The following ZPBP variants were observed in gnomAD, a reference collection of about 807,000 sequenced individuals.
ZPBP encodes zona pellucida-binding protein 1.
Under a neutral mutation model 44.8 loss-of-function variants are expected in ZPBP, and 26 were observed. That is an observed-to-expected ratio of 0.58 (90% confidence interval 0.43 to 0.81). The LOEUF (loss-of-function observed/expected upper bound fraction) is 0.81, where lower values mean the gene tolerates loss of function less well. Ranked by LOEUF, ZPBP falls within the 30% of genes least tolerant of loss-of-function variation. ZPBP has a pLI of 0.00. For missense variants in ZPBP, 409 were observed against 434.0 expected (o/e 0.94, Z 0.51); for synonymous variants, 174 against 153.2 (o/e 1.14, Z -1.00).
At chr7:50,044,069 G>A (rs1038465227) in intron 4 of ZPBP, among the ~76,000 whole-genome samples, 4 of 152,118 alleles carry the variant, frequency 2.6e-5, no homozygotes, top group Admixed American at 1.3e-4. Context: ...TGACTACTGG[G>A]TAAATGACAA....
intron 2 of ZPBP, among the ~76,000 whole-genome samples, chr7:49,890,880 A>G: frequency 6.6e-6 from 1 of 152,120 alleles, no homozygotes; most frequent in East Asian, 1.9e-4. Context: ...GATTTGTATC[A>G]GGCAATAGGA....
intron 4 of ZPBP, among the ~76,000 whole-genome samples, chr7:50,054,590 T>G (rs1800843461): frequency 6.6e-6 from 1 of 152,114 alleles, no homozygotes; most frequent in Non-Finnish European, 1.5e-5. Flanking sequence ...TCTAAAATTT[T>G]TAAAGGTTTT....
chr7:49,848,833 G>A (rs1583672269), downstream of ZPBP, among the ~76,000 whole-genome samples: 1 of 152,276 alleles, frequency 6.6e-6, no homozygotes, highest in South Asian at 2.1e-4. Flanking sequence ...TTATAGTATA[G>A]TCAATAAAAT....
rs1288656666 is a variant in ZPBP at position 49,892,464 on chromosome 7, A to G, written n.509+8654T>C. ...TATTGAGGAAAAGAAGTCCTGCTAT[A>G]CAGGGGTATATACATTATGATTATC... On this transcript the variant is annotated intron_variant and non_coding_transcript_variant, in intron 2 of 2. Coordinates refer to the ZPBP transcript ENST00000465922. Among the ~76,000 whole-genome samples, 3 of 152,228 alleles carry G rather than the reference A, an allele frequency of 2.0e-5. No individual in the cohort carries two copies. In the East Asian group the frequency reaches 5.8e-4, roughly 29 times the overall value.
intron 2 of ZPBP, among the ~76,000 whole-genome samples, chr7:49,878,751 G>T (rs1033793520): frequency 6.6e-6 from 1 of 152,078 alleles, no homozygotes; most frequent in South Asian, 2.1e-4. Context: ...CTGTACTGCT[G>T]ATATTTTAAT....
intron 7 of ZPBP, chr7:49,944,215 C>A: frequency 2.8e-6 from 1 of 357,280 alleles, no homozygotes; most frequent in Non-Finnish European, 5.4e-6. Flanking sequence ...TGATATTTGG[C>A]TGCACTTTTG....
chr7:49,960,430 C>CA lies in ZPBP; in HGVS notation c.962-22809dup, dbSNP rs573846294. 1.9e-3 allele frequency among the ~76,000 whole-genome samples: 263 copies of CA among 140,880 alleles called. 1 individual carries two copies. The highest frequency in any genetic ancestry group is 6.2e-3 in the African/African-American group (238 of 38,474). 92.4% of individuals were successfully genotyped at this position (140,880 alleles called of 152,430 possible). On this transcript the variant is annotated intron_variant, in intron 7 of 7. Transcript: ENST00000046087. ...GACTCTGTCTCAAAAAACAAACAAA[C>CA]AAAAAAAAAACAGTAGAAAATCTTT...
intron 3 of ZPBP, among the ~76,000 whole-genome samples, chr7:50,061,412 C>T (rs537376786): frequency 1.3e-5 from 2 of 152,232 alleles, no homozygotes; most frequent in South Asian, 4.1e-4. Flanking sequence ...CTAGAAAACC[C>T]CATCATGGCC....
chr7:50,045,835 C>G (rs980476372), intron 4 of ZPBP, among the ~76,000 whole-genome samples: 9 of 152,184 alleles, frequency 5.9e-5, no homozygotes, highest in Non-Finnish European at 1.2e-4. Context: ...GCCCATATAG[C>G]CAAGACAATC....
downstream of ZPBP, among the ~76,000 whole-genome samples, chr7:49,847,158 A>G (rs966346383): frequency 1.3e-5 from 2 of 151,578 alleles, no homozygotes; most frequent in East Asian, 1.9e-4. Context: ...CACTGCCAGG[A>G]TATAAGAATC....
chr7:49,901,363 G>A (rs956321042), intron 1 of ZPBP: 1 of 151,780 alleles, frequency 6.6e-6, no homozygotes. Flanking sequence ...AAGCAAGATT[G>A]CAGTGTACAA....
intron 2 of ZPBP, among the ~76,000 whole-genome samples, chr7:49,881,295 T>A (rs1791652830): frequency 6.6e-6 from 1 of 152,126 alleles, no homozygotes; most frequent in African/African-American, 2.4e-5. Context: ...ATCTTTAGAG[T>A]GCTGCTGGCC....
intron 3 of ZPBP, among the ~76,000 whole-genome samples, chr7:50,075,481 T>C (rs879570581): frequency 6.6e-6 from 1 of 151,922 alleles, no homozygotes; most frequent in Non-Finnish European, 1.5e-5. Flanking sequence ...AAAAAGTTGG[T>C]TTTTTGAAGA....
intron 4 of ZPBP, among the ~76,000 whole-genome samples, chr7:50,050,620 A>C (rs1322618662): frequency 6.6e-6 from 1 of 151,834 alleles, no homozygotes; most frequent in Non-Finnish European, 1.5e-5. Flanking sequence ...ATTAACTGAA[A>C]ATGCATGCCA....
chr7:50,090,500 T>C (rs970831427), intron 1 of ZPBP, among the ~76,000 whole-genome samples: 2 of 151,988 alleles, frequency 1.3e-5, no homozygotes, highest in Middle Eastern at 3.4e-3. Context: ...TGTATATGAG[T>C]GTATATATAT....
intron 7 of ZPBP, among the ~76,000 whole-genome samples, chr7:49,952,809 C>T (rs987613448): frequency 1.1e-4 from 16 of 151,872 alleles, no homozygotes; most frequent in Admixed American, 6.6e-5. Flanking sequence ...AACATGCAAT[C>T]TGTAGAATCA....
chr7:49,868,137 G>A (rs1024308655), intron 2 of ZPBP, among the ~76,000 whole-genome samples: 1 of 152,022 alleles, frequency 6.6e-6, no homozygotes, highest in Non-Finnish European at 1.5e-5. Context: ...CCTGTCCAAG[G>A]AAAATTACAT....
chr7:49,976,370 G>C (rs1377785760), intron 7 of ZPBP, among the ~76,000 whole-genome samples: 1 of 151,924 alleles, frequency 6.6e-6, no homozygotes. Context: ...CATATGTTAT[G>C]TCTAATGGTG....
intron 5 of ZPBP, among the ~76,000 whole-genome samples, chr7:50,026,826 C>G (rs1799359120): frequency 6.6e-6 from 1 of 151,914 alleles, no homozygotes; most frequent in African/African-American, 2.4e-5. Flanking sequence ...ATTTACAACC[C>G]AGACCACTAA....
Sources: allele counts gnomAD v4.1 joint callset (sites outside exome capture counted in the v4.1 genomes callset), GRCh38; gene constraint gnomAD v4.1.1; transcripts MANE v1.5; gene names NCBI Gene and HGNC (gene_info 2026-07-23, HGNC 2026-07-21).